Variants in DPP10 observed in about 807,000 individuals in gnomAD.
DPP10 encodes inactive dipeptidyl peptidase 10.
DPP10 carries 33 observed loss-of-function variants against 120.9 expected under a neutral mutation model. That is an observed-to-expected ratio of 0.27 (90% CI 0.21 to 0.37). The LOEUF is 0.37. DPP10 is among the 10% of genes least tolerant of loss of function. The probability of loss-of-function intolerance (pLI) is 1.00; values close to 1 mark genes in which losing one functional copy is unlikely to be tolerated. For synonymous variants in DPP10, 337 were observed against 326.1 expected, an observed-to-expected ratio of 1.03 and a Z score of -0.36; for missense variants, 816 against 942.8, an observed-to-expected ratio of 0.87 and a Z score of 1.76.
chr2:115,330,346 A>C (rs1419528752), intron 2 of DPP10, among the ~76,000 whole-genome samples: 3 of 151,878 alleles, frequency 2.0e-5, no homozygotes, highest in African/African-American at 4.8e-5. Flanking sequence ...CCTTTGTCAG[A>C]TGAGTAGATT....
rs71420241 is a variant in DPP10 at position 115,672,668 on chromosome 2, C to CTCTTTCTT, written c.442-17016_442-17015insTTCTTTCT. ...TCTCTCTCTCTTTCTTTCTTTCTTTCTCTCTTTCTTTCTCTTTCTTTCTTT... is the reference window on the plus strand; with the variant it reads ...TCTCTCTCTCTTTCTTTCTTTCTTTCTCTTTCTTTCTCTTTCTTTCTCTTTCTTTCTTT... On this transcript the variant is annotated intron_variant, in intron 5 of 25. Transcript: ENST00000410059. Among the ~76,000 whole-genome samples the CTCTTTCTT allele has an allele frequency of 3.8e-3, 473 of 122,954 alleles. 3 individuals are homozygous for CTCTTTCTT. The highest frequency in any genetic ancestry group is 0.016 in the African/African-American group (442 of 27,828). The allele number at this position is 122,954 out of a possible 152,430, so 80.7% of individuals were successfully genotyped here.
rs910334826 is a variant in DPP10 at position 114,749,298 on chromosome 2, A to T, written c.60+306460A>T. 3.9e-5 allele frequency among the ~76,000 whole-genome samples: 6 copies of T among 151,942 alleles called. No individual in the cohort carries two copies. In the East Asian group the frequency reaches 7.8e-4, roughly 20 times the overall value. ...TGTTTGAGTTCATTGTAGATTCTGG[A>T]TATTAGCCCTTAGGACAAAGGGAAT... On this transcript the variant is annotated intron_variant, in intron 1 of 25. Transcript: ENST00000410059.
chr2:114,513,024 G>T (rs1049082723), intron 1 of DPP10, among the ~76,000 whole-genome samples: 1 of 152,162 alleles, frequency 6.6e-6, no homozygotes, highest in Non-Finnish European at 1.5e-5. Flanking sequence ...AAGGAGGAAG[G>T]GGGAGGGAAG....
intron 3 of DPP10, among the ~76,000 whole-genome samples, chr2:115,345,281 A>G (rs1403486388): frequency 6.6e-6 from 1 of 152,196 alleles, no homozygotes; most frequent in Non-Finnish European, 1.5e-5. Flanking sequence ...ATTTGAGGCT[A>G]GTCATATTTT....
At chr2:114,567,470 G>A (rs757902771) in intron 1 of DPP10, among the ~76,000 whole-genome samples, 3 of 152,140 alleles carry the variant, frequency 2.0e-5, no homozygotes, top group Non-Finnish European at 2.9e-5. Context: ...GCAGAGGAGA[G>A]GCTACATTGC....
intron 1 of DPP10, among the ~76,000 whole-genome samples, chr2:114,987,219 A>T (rs1700459287): frequency 6.6e-6 from 1 of 152,172 alleles, no homozygotes; most frequent in Admixed American, 6.5e-5. Context: ...AAAGTTATAT[A>T]CCAAAACTTT....
At chr2:115,263,782 GCCTT>G (rs2059349556) in intron 1 of DPP10, among the ~76,000 whole-genome samples, 2 of 152,052 alleles carry the variant, frequency 1.3e-5, no homozygotes, top group African/African-American at 4.8e-5. Flanking sequence ...ATTTTCAATT[GCCTT>G]CCTTATATAC....
chr2:115,457,483 C>A (rs1441697298), intron 3 of DPP10, among the ~76,000 whole-genome samples: 3 of 152,026 alleles, frequency 2.0e-5, no homozygotes, highest in Admixed American at 2.0e-4. Flanking sequence ...GATCTTATAT[C>A]TAAAATGTAT....
chr2:115,791,050 A>T, intron 17 of DPP10, 31 bp from the exon 18 acceptor site: 2 of 1,502,828 alleles, frequency 1.3e-6, no homozygotes, highest in Non-Finnish European at 9.2e-7. Context: ...CATAGGGGTT[A>T]GCTATTTACA....
At chr2:114,752,327 C>T (rs1278961973) in intron 1 of DPP10, among the ~76,000 whole-genome samples, 1 of 152,116 alleles carries the variant, frequency 6.6e-6, no homozygotes, top group Non-Finnish European at 1.5e-5. Context: ...AAAAAGAAAT[C>T]CTGCCAAAGT....
At chr2:114,527,306 C>T (rs919536972) in intron 1 of DPP10, among the ~76,000 whole-genome samples, 4 of 152,114 alleles carry the variant, frequency 2.6e-5, no homozygotes, top group African/African-American at 4.8e-5. Flanking sequence ...TCCTTAAACC[C>T]GGGAGTCCTT....
intron 5 of DPP10, among the ~76,000 whole-genome samples, chr2:115,532,168 A>G (rs1049645233): frequency 6.6e-6 from 1 of 152,042 alleles, no homozygotes; most frequent in African/African-American, 2.4e-5. Flanking sequence ...GAGGGCACAA[A>G]CATTTTTTGG....
rs1018410504 is a variant in DPP10, at chr2:115,843,786, T to G, written c.*1441T>G. On this transcript the variant is annotated 3_prime_UTR_variant, in exon 26 of 26. Coordinates refer to ENST00000410059, the MANE Select transcript of DPP10 (RefSeq NM_020868.6). The stretch of plus-strand genomic sequence containing the variant: ...CACTTAAGGGATCTTCCAGAAGATA[T>G]CTAAAAGTCTGTAATAAGCTTAGAA... The G allele has an allele frequency of 6.6e-6, 1 of 152,462 alleles. No individual in the cohort carries two copies. Among genetic ancestry groups the G allele is most frequent in the Non-Finnish European group, 1.5e-5 (1 of 68,022 alleles). The allele number at this position is 152,462 out of a possible 1,614,324, so 9.4% of individuals were successfully genotyped here. A position where few individuals can be genotyped will look rare whatever the true frequency, so the allele number is the denominator to read the frequency against.
intron 3 of DPP10, among the ~76,000 whole-genome samples, chr2:115,442,663 A>G (rs2072188281): frequency 6.6e-6 from 1 of 152,200 alleles, no homozygotes; most frequent in Admixed American, 6.5e-5. Context: ...AACTTGTTTT[A>G]AACTGAACAC....
chr2:114,839,936 T>C (rs11895900), intron 1 of DPP10, among the ~76,000 whole-genome samples: 23,954 of 152,068 alleles, frequency 0.16, 2,306 homozygotes, highest in African/African-American at 0.27. Context: ...AAAAAGAATC[T>C]GGCAATTTTA....
rs5833583 is a variant in DPP10 at position 115,232,324 on chromosome 2, G to GA, written c.61-76904dup. Among the ~76,000 whole-genome samples the GA allele has an allele frequency of 9.6e-3, 1,426 of 148,390 alleles. 20 individuals carry two copies. Among genetic ancestry groups the GA allele is most frequent in the African/African-American group, 0.034 (1,339 of 39,778 alleles). Reference sequence around the variant, plus strand: ...TGTTCTGAGCTTCACCATTTTTCTGGAAAAAAAAAAAGGTTTTTAGGTGCT... The same window carrying GA: ...TGTTCTGAGCTTCACCATTTTTCTGGAAAAAAAAAAAAGGTTTTTAGGTGCT... On this transcript the variant is annotated intron_variant, in intron 1 of 25. Coordinates refer to ENST00000410059, the MANE Select transcript of DPP10 (RefSeq NM_020868.6).
intron 4 of DPP10, among the ~76,000 whole-genome samples, chr2:115,500,295 A>C (rs1309542966): frequency 6.6e-6 from 1 of 151,974 alleles, no homozygotes; most frequent in African/African-American, 2.4e-5. Context: ...AATAGTACAC[A>C]GTTATTTACT....
intron 1 of DPP10, among the ~76,000 whole-genome samples, chr2:114,570,992 G>A (rs1689599377): frequency 1.3e-5 from 2 of 152,188 alleles, no homozygotes; most frequent in South Asian, 4.1e-4. Context: ...GTAAACTGGT[G>A]GTTCTGACAC....
chr2:115,744,394 G>C (rs1677682663), intron 9 of DPP10, among the ~76,000 whole-genome samples: 1 of 150,388 alleles, frequency 6.6e-6, no homozygotes. Context: ...TGATGTGAAA[G>C]AGAGCTCATA....
Sources: gnomAD v4.1 joint callset for allele counts (sites outside exome capture counted in the v4.1 genomes callset) on GRCh38, gnomAD v4.1.1 for gene constraint, MANE v1.5 for transcripts, NCBI Gene and HGNC (gene_info 2026-07-23, HGNC 2026-07-21) for gene names.